The following REPS2 variants were observed in gnomAD, a reference collection of about 807,000 sequenced individuals.
The protein encoded by REPS2 is ralBP1-associated Eps domain-containing protein 2.
In REPS2, 23 loss-of-function variants were observed where a neutral mutation model predicts 53.6. That is an observed-to-expected ratio of 0.43 (90% CI 0.31 to 0.61). The LOEUF (loss-of-function observed/expected upper bound fraction) is 0.61. Among genes scored for constraint, REPS2 ranks in the 20% least tolerant of loss-of-function variants. The pLI, the probability that REPS2 is intolerant of heterozygous loss-of-function variation, is 0.11. For missense variants in REPS2, 446 were observed against 534.9 expected, an observed-to-expected ratio of 0.83 and a Z score of 1.64; for synonymous variants, 238 against 218.6, an observed-to-expected ratio of 1.09 and a Z score of -0.78.
chrX:17,112,561 A>C (rs777466410), intron 14 of REPS2, among the ~76,000 whole-genome samples: 1 of 112,171 alleles, frequency 8.9e-6, no homozygotes, highest in East Asian at 2.8e-4. Context: ...CTAGAAATCA[A>C]TAACAGAAGT....
chrX:17,179,464 CCTAA>C, the REPS2 span, among the ~76,000 whole-genome samples: 1 of 111,163 alleles, frequency 9.0e-6, no homozygotes, highest in Non-Finnish European at 1.9e-5. Context: ...TGACTCAGCT[CCTAA>C]CTGACAGCTG....
intron 13 of REPS2, among the ~76,000 whole-genome samples, chrX:17,085,721 A>T (rs2062524606): frequency 9.0e-6 from 1 of 111,505 alleles, no homozygotes; most frequent in African/African-American, 3.3e-5. Context: ...CTCTGTTAAA[A>T]ACCGTATTAT....
At chrX:17,028,250 C>G (rs1320301247) in intron 4 of REPS2, among the ~76,000 whole-genome samples, 1 of 111,597 alleles carries the variant, frequency 9.0e-6, no homozygotes, top group African/African-American at 3.3e-5. Flanking sequence ...CTCATGACTG[C>G]TAGCACCCCA....
rs755744458 is a variant in REPS2, at chrX:17,074,168, C to A, written c.1379+9C>A. ...GCAAGACCAAGATCCAGGTAGTGTTCGTTTAATTTCTGCTTTAATGCCCTT... is the reference window on the plus strand; with the variant it reads ...GCAAGACCAAGATCCAGGTAGTGTTAGTTTAATTTCTGCTTTAATGCCCTT... On this transcript the variant is annotated intron_variant, in intron 12 of 17. Transcript: ENST00000357277. The A allele has an allele frequency of 8.3e-7, 1 of 1,204,977 alleles. No individual in the cohort carries two copies. Among genetic ancestry groups the A allele is most frequent in the Non-Finnish European group, 1.1e-6 (1 of 889,965 alleles).
rs1035614913 is a variant in REPS2, at chrX:17,076,428, G to C, written c.1380-843G>C. Among the ~76,000 whole-genome samples, 4 of 111,467 alleles carry C rather than the reference G, an allele frequency of 3.6e-5. No individual in the cohort carries two copies. The South Asian group carries it at 1.5e-3, about 42-fold the overall frequency. Reference sequence around the variant, plus strand: ...GTCCTTAAACCTATTCCTAAGCAGTGTATGGAGTTGAATTTTATTTGGAAA... The same window carrying C: ...GTCCTTAAACCTATTCCTAAGCAGTCTATGGAGTTGAATTTTATTTGGAAA... On this transcript the variant is annotated intron_variant, in intron 12 of 17. Coordinates refer to ENST00000357277, the MANE Select transcript of REPS2 (RefSeq NM_004726.3).
At chrX:17,168,692 T>C in the REPS2 span, among the ~76,000 whole-genome samples, 2 of 112,080 alleles carry the variant, frequency 1.8e-5, no homozygotes, top group Non-Finnish European at 3.8e-5. Context: ...TGGAACAACT[T>C]AAACTAAGGC....
intron 14 of REPS2, among the ~76,000 whole-genome samples, chrX:17,112,517 A>G (rs1031572787): frequency 8.9e-6 from 1 of 112,304 alleles, no homozygotes; most frequent in Non-Finnish European, 1.9e-5. Flanking sequence ...TTGAAATTAT[A>G]TTAAACATCT....
the REPS2 span, among the ~76,000 whole-genome samples, chrX:17,171,413 C>T: frequency 1.8e-5 from 2 of 112,299 alleles, no homozygotes; most frequent in Non-Finnish European, 3.8e-5. Context: ...TTTATTAAAC[C>T]TCTTTCTAAC....
chrX:17,020,647 G>C (rs2061561750), intron 2 of REPS2, among the ~76,000 whole-genome samples: 1 of 107,384 alleles, frequency 9.3e-6, no homozygotes, highest in Non-Finnish European at 1.9e-5. Flanking sequence ...TTTTTTTCTG[G>C]TACAGAATTT....
intron 1 of REPS2, among the ~76,000 whole-genome samples, chrX:16,958,064 C>G (rs986507324): frequency 2.7e-5 from 3 of 112,068 alleles, no homozygotes; most frequent in Non-Finnish European, 5.6e-5. Flanking sequence ...GTGAGGTTCA[C>G]TTACTTGCCC....
intron 8 of REPS2, among the ~76,000 whole-genome samples, chrX:17,055,564 A>C (rs1379182951): frequency 2.2e-5 from 2 of 91,498 alleles, no homozygotes; most frequent in South Asian, 6.5e-4. Flanking sequence ...TCAGCTTTCT[A>C]CATATGGCTA....
rs771079122 is a variant in REPS2, at chrX:17,120,693, A to G, written c.1579-13131A>G. Among the ~76,000 whole-genome samples, 50 of 111,686 alleles carry G rather than the reference A, an allele frequency of 4.5e-4. No homozygotes were observed. In the Middle Eastern group the frequency reaches 0.023, roughly 51 times the overall value. ...GCTAAAGCACTTGCAGTCAAAGCAC[A>G]TTGTTACCCTCATCTGTGACCTTTC... On this transcript the variant is annotated intron_variant, in intron 14 of 17. Transcript: ENST00000357277.
intron 13 of REPS2, among the ~76,000 whole-genome samples, chrX:17,080,794 T>C (rs1242795103): frequency 1.8e-5 from 2 of 112,452 alleles, no homozygotes; most frequent in African/African-American, 6.5e-5. Context: ...CCTTCTCTTA[T>C]GATTTGCCTG....
At chrX:17,135,531 C>T (rs2063354718) in intron 16 of REPS2, 125 bp downstream of exon 16, 1 of 831,729 alleles carries the variant, frequency 1.2e-6, no homozygotes, top group Non-Finnish European at 1.7e-6. Context: ...GTTTATCTTG[C>T]TCATCTCTGT....
At chrX:16,991,863 G>C (rs1023816520) in intron 1 of REPS2, among the ~76,000 whole-genome samples, 1 of 111,653 alleles carries the variant, frequency 9.0e-6, no homozygotes, top group Non-Finnish European at 1.9e-5. Flanking sequence ...GCTGCAAGAA[G>C]CCAGGTGAGA....
chrX:16,970,342 G>A (rs369993464), intron 1 of REPS2, among the ~76,000 whole-genome samples: 8 of 110,524 alleles, frequency 7.2e-5, no homozygotes, highest in African/African-American at 2.3e-4. Flanking sequence ...GACTACAGGC[G>A]TGTGCCACCA....
chrX:17,196,302 C>T, the REPS2 span, among the ~76,000 whole-genome samples: 2 of 111,653 alleles, frequency 1.8e-5, no homozygotes, highest in Non-Finnish European at 3.8e-5. Context: ...CAAAGTTGGG[C>T]CCCTGTATAA....
intron 4 of REPS2, among the ~76,000 whole-genome samples, chrX:17,026,356 T>G (rs1378705258): frequency 8.9e-6 from 1 of 111,887 alleles, no homozygotes; most frequent in African/African-American, 3.2e-5. Flanking sequence ...GTCCTGTAAC[T>G]TGAATATCTC....
intron 14 of REPS2, among the ~76,000 whole-genome samples, chrX:17,127,766 TCA>T (rs1190378093): frequency 8.9e-6 from 1 of 112,010 alleles, no homozygotes; most frequent in African/African-American, 3.2e-5. Context: ...ATTTACGAAC[TCA>T]CAGTCTCTTT....
Sources: gnomAD v4.1 joint callset for allele counts (sites outside exome capture counted in the v4.1 genomes callset) on GRCh38, gnomAD v4.1.1 for gene constraint, MANE v1.5 for transcripts, NCBI Gene and HGNC (gene_info 2026-07-23, HGNC 2026-07-21) for gene names.